Variants in RPS6KC1 observed in about 807,000 individuals in gnomAD.
RPS6KC1 encodes the protein ribosomal protein S6 kinase C1.
In RPS6KC1, 54 loss-of-function variants were observed where a neutral mutation model predicts 103.8. The observed-to-expected ratio is 0.52, with a 90% CI of 0.42 to 0.65. RPS6KC1 has a LOEUF of 0.65. Among genes scored for constraint, RPS6KC1 ranks in the 30% least tolerant of loss-of-function variants. The probability of loss-of-function intolerance (pLI) is 0.00; values close to 1 mark genes in which losing one functional copy is unlikely to be tolerated. For missense variants in RPS6KC1, 1,151 were observed against 1,253.8 expected (o/e 0.92, Z 1.24); for synonymous variants, 439 against 438.7 (o/e 1.00, Z -0.01).
chr1:213,557,480 G>T, the RPS6KC1 span, among the ~76,000 whole-genome samples: 1 of 152,298 alleles, frequency 6.6e-6, no homozygotes, highest in Middle Eastern at 3.4e-3. Context: ...GGAAGAAGAG[G>T]CAGGATGGGA....
chr1:213,812,437 G>GA, the RPS6KC1 span, among the ~76,000 whole-genome samples: 8 of 152,056 alleles, frequency 5.3e-5, no homozygotes, highest in Non-Finnish European at 1.0e-4. Flanking sequence ...CACAGTGTAT[G>GA]AAAAAAATTG....
chr1:213,317,682 T>C, the RPS6KC1 span, among the ~76,000 whole-genome samples: 1 of 152,236 alleles, frequency 6.6e-6, no homozygotes, highest in Non-Finnish European at 1.5e-5. Flanking sequence ...TTTACCACAA[T>C]GAAGAGTGTG....
chr1:213,787,807 A>C, the RPS6KC1 span, among the ~76,000 whole-genome samples: 1 of 152,216 alleles, frequency 6.6e-6, no homozygotes, highest in Admixed American at 6.6e-5. Flanking sequence ...ACAGGATCTG[A>C]TGTGGAACAA....
the RPS6KC1 span, among the ~76,000 whole-genome samples, chr1:213,344,738 T>C: frequency 1.3e-5 from 2 of 152,210 alleles, no homozygotes; most frequent in East Asian, 3.8e-4. Flanking sequence ...TTTTGCCATG[T>C]TGGCCAGACT....
chr1:213,496,033 A>C, the RPS6KC1 span, among the ~76,000 whole-genome samples: 2 of 152,182 alleles, frequency 1.3e-5, no homozygotes, highest in Admixed American at 1.3e-4. Context: ...CTCAAAAGAT[A>C]CTTTTCATCT....
chr1:213,833,578 C>G, the RPS6KC1 span, among the ~76,000 whole-genome samples: 1 of 152,168 alleles, frequency 6.6e-6, no homozygotes, highest in Admixed American at 6.5e-5. Context: ...GCTCTGGGAT[C>G]TCCACACTCA....
intron 10 of RPS6KC1, among the ~76,000 whole-genome samples, chr1:213,234,040 G>A (rs972046552): frequency 3.0e-4 from 45 of 150,292 alleles, no homozygotes; most frequent in Admixed American, 2.9e-3. Context: ...TGGTTGGGGG[G>A]TAGTTAGGGT....
At chr1:213,166,202 T>G (rs1488077045) in intron 6 of RPS6KC1, among the ~76,000 whole-genome samples, 5 of 152,116 alleles carry the variant, frequency 3.3e-5, no homozygotes, top group Non-Finnish European at 7.4e-5. Context: ...ATTGCCATAG[T>G]TTTTATTATA....
At chr1:213,512,708 G>C in the RPS6KC1 span, among the ~76,000 whole-genome samples, 1 of 152,094 alleles carries the variant, frequency 6.6e-6, no homozygotes, top group African/African-American at 2.4e-5. Context: ...TTCTATCTGG[G>C]GTGAAATTTT....
the RPS6KC1 span, among the ~76,000 whole-genome samples, chr1:213,499,599 G>T: frequency 6.6e-6 from 1 of 152,174 alleles, no homozygotes; most frequent in African/African-American, 2.4e-5. Flanking sequence ...TGGAGCTCAG[G>T]AGGTAATGCT....
the RPS6KC1 span, among the ~76,000 whole-genome samples, chr1:213,374,241 A>G: frequency 2.0e-5 from 3 of 152,246 alleles, no homozygotes; most frequent in Non-Finnish European, 4.4e-5. Flanking sequence ...CAAAAGTTCA[A>G]TCAAATAAAT....
the RPS6KC1 span, among the ~76,000 whole-genome samples, chr1:213,517,747 G>A: frequency 4.1e-4 from 62 of 152,252 alleles, no homozygotes; most frequent in South Asian, 7.1e-3. Flanking sequence ...TATTAGGTCC[G>A]CTTGGTGCAG....
At chr1:213,856,602 A>G in the RPS6KC1 span, among the ~76,000 whole-genome samples, 3 of 151,924 alleles carry the variant, frequency 2.0e-5, no homozygotes, top group Non-Finnish European at 2.9e-5. Flanking sequence ...TTTGTTCTAC[A>G]TGCTATAAAC....
chr1:213,785,954 A>G, the RPS6KC1 span, among the ~76,000 whole-genome samples: 2 of 152,128 alleles, frequency 1.3e-5, no homozygotes, highest in African/African-American at 4.8e-5. Context: ...TTTAGTTAAG[A>G]CTTTATAGAA....
intron 7 of RPS6KC1, among the ~76,000 whole-genome samples, chr1:213,169,043 G>T (rs2091251112): frequency 6.6e-6 from 1 of 151,524 alleles, no homozygotes; most frequent in Non-Finnish European, 1.5e-5. Context: ...TTGCTGGGTA[G>T]TTACTAGGAT....
chr1:213,521,531 C>T, the RPS6KC1 span, among the ~76,000 whole-genome samples: 1 of 152,116 alleles, frequency 6.6e-6, no homozygotes, highest in African/African-American at 2.4e-5. Context: ...TTGATTCTTC[C>T]TTTCACAAAA....
At chr1:213,849,958 C>T in the RPS6KC1 span, among the ~76,000 whole-genome samples, 1 of 151,964 alleles carries the variant, frequency 6.6e-6, no homozygotes, top group South Asian at 2.1e-4. Flanking sequence ...TATAACCAAT[C>T]ATCTTTCTAA....
At chr1:213,209,907 C>G (rs74503858) in intron 8 of RPS6KC1, among the ~76,000 whole-genome samples, 1 of 151,948 alleles carries the variant, frequency 6.6e-6, no homozygotes, top group Non-Finnish European at 1.5e-5. Flanking sequence ...ATAGGACAAC[C>G]TACAGGCATT....
the RPS6KC1 span, among the ~76,000 whole-genome samples, chr1:213,307,403 T>G: frequency 1.4e-4 from 22 of 152,238 alleles, no homozygotes; most frequent in Admixed American, 4.6e-4. Flanking sequence ...CCCATAGAAC[T>G]AACCATATGC....
Sources: gnomAD v4.1 joint callset for allele counts (sites outside exome capture counted in the v4.1 genomes callset) on GRCh38, gnomAD v4.1.1 for gene constraint, MANE v1.5 for transcripts, NCBI Gene and HGNC (gene_info 2026-07-23, HGNC 2026-07-21) for gene names.